The following TTLL12 variants were observed in gnomAD, a reference collection of about 807,000 sequenced individuals.
The protein encoded by TTLL12 is tubulin tyrosine ligase like 12.
Under a neutral mutation model 79.6 loss-of-function variants are expected in TTLL12, and 77 were observed. The observed-to-expected ratio is 0.97, with a 90% CI of 0.81 to 1.17. TTLL12 has a LOEUF of 1.17. Among genes scored for constraint, TTLL12 ranks in the 50% most tolerant of loss-of-function variants. The probability of loss-of-function intolerance (pLI) is 0.00; values close to 1 mark genes in which losing one functional copy is unlikely to be tolerated. For synonymous variants in TTLL12, 437 were observed against 376.1 expected (o/e 1.16, Z -1.87); for missense variants, 969 against 895.9 (o/e 1.08, Z -1.04).
chr22:43,180,895 C>A lies in TTLL12; in HGVS notation c.393G>T (p.Ala131=). ...DHAWTCRVEH[A]RQQLQQVPGL... ...CGGGCACCTGCTGCAGCTGCTGGCG[C>A]GCGTGCTCCACACGGCACGTCCAGG... The change falls in exon 3 of 14, where the codon GCG becomes GCT. Residue 131 remains alanine, a synonymous_variant. Coordinates refer to ENST00000216129, the MANE Select transcript of TTLL12 (RefSeq NM_015140.4). The A allele has an allele frequency of 1.2e-6, 2 of 1,612,746 alleles. No individual in the cohort carries two copies. Among genetic ancestry groups the A allele is most frequent in the Non-Finnish European group, 1.7e-6 (2 of 1,179,890 alleles).
chr22:43,171,940 G>A (rs773821253), intron 10 of TTLL12, 40 bp from the exon 11 acceptor site: 42 of 1,585,950 alleles, frequency 2.6e-5, no homozygotes, highest in African/African-American at 5.4e-5. Flanking sequence ...GTTCTTGAGC[G>A]GCCTTGTCCC....
At chr22:43,177,736 C>A (rs180869921) in intron 5 of TTLL12, among the ~76,000 whole-genome samples, 5 of 152,338 alleles carry the variant, frequency 3.3e-5, no homozygotes, top group Admixed American at 2.6e-4. Flanking sequence ...GCCCGACGGG[C>A]GGCCTGTGTA....
In TTLL12 at chr22:43,174,394, G is replaced by A; in HGVS notation, c.1044C>T (p.Ser348=). 1 of 1,562,776 alleles carries A rather than the reference G, an allele frequency of 6.4e-7. No individual in the cohort carries two copies. Residue 348 remains serine, a synonymous_variant, in exon 8 of 14, where the codon AGC becomes AGT. Coordinates refer to ENST00000216129, the MANE Select transcript of TTLL12 (RefSeq NM_015140.4). ...TCAGCAGCACGCCTGGCCTCTCCTG[G>A]CTGAGTTTCCTGCAGGGCGGAGGCA... ...FSHFKDYRKL[S]QERPGVLLNQ...
At chr22:43,186,039 G>A in intron 1 of TTLL12, 1 of 985,390 alleles carries the variant, frequency 1.0e-6, no homozygotes, top group Non-Finnish European at 1.2e-6. Context: ...CGTAGAGTCT[G>A]GCCAGCAGCC....
rs763528031 is a variant in TTLL12 at position 43,174,318 on chromosome 22, T to C, written c.1120A>G (p.Ile374Val). ...LLTVKDCLAS[I>V]ARRAGGPEGP... is the part of the protein sequence containing the mutation. Reference sequence around the variant, plus strand: ...TCGGGGCCACCTGCCCGGCGCGCGATGGAGGCCAGGCAGTCCTTGACAGTC... The same window carrying C: ...TCGGGGCCACCTGCCCGGCGCGCGACGGAGGCCAGGCAGTCCTTGACAGTC... The change falls in exon 8 of 14, where the codon ATC becomes GTC. Residue 374 changes from isoleucine to valine, a missense_variant. Transcript: ENST00000216129. 42 of 1,610,442 alleles carry C rather than the reference T, an allele frequency of 2.6e-5. No individual in the cohort carries two copies. The highest frequency in any genetic ancestry group is 3.3e-5 in the Non-Finnish European group (39 of 1,178,832).
At chr22:43,176,518 T>C in intron 5 of TTLL12, 122 bp from the exon 6 acceptor site, 1 of 781,360 alleles carries the variant, frequency 1.3e-6, no homozygotes, top group Admixed American at 2.1e-5. Flanking sequence ...TCACGTGATG[T>C]CAGGAGCTCG....
In TTLL12 at chr22:43,176,307, G is replaced by GT; in HGVS notation, c.917+12_917+13insA. On this transcript the variant is annotated intron_variant, in intron 6 of 13. Coordinates refer to ENST00000216129, the MANE Select transcript of TTLL12 (RefSeq NM_015140.4). The stretch of plus-strand genomic sequence containing the variant: ...ACAAGTCCCAGCCCAAGCAGTGGGG[G>GT]GGGGCTACGCACTTGAAGATGTGGC... 6.3e-7 allele frequency: 1 copy of GT among 1,574,982 alleles called. No individual in the cohort carries two copies. Among genetic ancestry groups the GT allele is most frequent in the Non-Finnish European group, 8.6e-7 (1 of 1,156,996 alleles).
intron 1 of TTLL12, 88 bp downstream of exon 1, chr22:43,186,805 C>T (rs1341704804): frequency 9.3e-6 from 11 of 1,180,150 alleles, no homozygotes; most frequent in Admixed American, 4.5e-5. Flanking sequence ...CTCCCGCCGC[C>T]CGGGAGCGCT....
rs550344404 is a variant in TTLL12, at chr22:43,187,010, C to T, written c.60G>A (p.Thr20=). 4.1e-4 allele frequency: 517 copies of T among 1,272,840 alleles called. 11 individuals carry two copies. The South Asian group carries it at 0.01, about 25-fold the overall frequency. 78.8% of individuals were successfully genotyped at this position (1,272,840 alleles called of 1,614,324 possible). A position where few individuals can be genotyped will look rare whatever the true frequency, so the allele number is the denominator to read the frequency against. ...CCAAGGCCTGCGCGCCCTCCTCCGGCGTCTGGCCCGGGCTGCTACGCTCCG... is the reference window on the plus strand; with the variant it reads ...CCAAGGCCTGCGCGCCCTCCTCCGGTGTCTGGCCCGGGCTGCTACGCTCCG... The part of the protein sequence containing the change: ...RPAERSSPGQ[T]PEEGAQALAE... The change falls in exon 1 of 14, where the codon ACG becomes ACA. Residue 20 remains threonine (T), a synonymous_variant. Transcript: ENST00000216129.
rs999232769 is a variant in TTLL12 at position 43,186,192 on chromosome 22, C to G, written c.177+701G>C. Among the ~76,000 whole-genome samples the G allele has an allele frequency of 2.2e-4, 30 of 133,928 alleles. 1 individual carries two copies. Among genetic ancestry groups the G allele is most frequent in the Admixed American group, 1.9e-3 (27 of 14,228 alleles). 87.9% of individuals were successfully genotyped at this position (133,928 alleles called of 152,430 possible). On this transcript the variant is annotated intron_variant, in intron 1 of 13. Transcript: ENST00000216129. Reference sequence around the variant, plus strand: ...TCGGGTCCCAGCTAAAGAAAACACCCCCCCCCCCGCCAGCCCGGGAAGGTG... The same window carrying G: ...TCGGGTCCCAGCTAAAGAAAACACCGCCCCCCCCGCCAGCCCGGGAAGGTG...
At position 43,168,882 on chromosome 22, in the gene TTLL12, A is replaced by T; in HGVS notation, c.1675T>A (p.Phe559Ile). ...GGTGGCTTGGCACAGGCCACCTGGA[A>T]CAGCTCCGTGAAGGCCCGGAAGATC... ...AEIFRAFTEL[F>I]QVACAKPPPL... Residue 559 changes from phenylalanine to isoleucine, a missense_variant, in exon 13 of 14, where the codon TTC (phenylalanine) becomes ATC (isoleucine). Phe to Ile is a conservative substitution (Grantham distance 21). Coordinates refer to ENST00000216129, the MANE Select transcript of TTLL12 (RefSeq NM_015140.4). 1 of 1,611,546 alleles carries T rather than the reference A, an allele frequency of 6.2e-7. No homozygotes were observed. The highest frequency in any genetic ancestry group is 1.3e-5 in the African/African-American group (1 of 75,004).
chr22:43,169,372 T>C, intron 12 of TTLL12, 128 bp downstream of exon 12: 1 of 806,360 alleles, frequency 1.2e-6, no homozygotes, highest in Non-Finnish European at 1.9e-6. Flanking sequence ...CTGGGGAGAA[T>C]GACCAACTGC....
intron 11 of TTLL12, 51 bp from the exon 12 acceptor site, chr22:43,169,619 G>A (rs773544230): frequency 3.8e-6 from 6 of 1,586,676 alleles, no homozygotes; most frequent in South Asian, 1.1e-5. Flanking sequence ...CCGCTGGGCC[G>A]GGAGCAGGCA....
chr22:43,167,502 C>T lies in TTLL12; in HGVS notation c.*506G>A. 4.6e-6 allele frequency: 1 copy of T among 219,038 alleles called. No homozygotes were observed. Among genetic ancestry groups the T allele is most frequent in the Non-Finnish European group, 9.3e-6 (1 of 107,340 alleles). The allele number at this position is 219,038 out of a possible 1,614,324, so 13.6% of individuals were successfully genotyped here. A position where few individuals can be genotyped will look rare whatever the true frequency, so the allele number is the denominator to read the frequency against. On this transcript the variant is annotated 3_prime_UTR_variant, in exon 14 of 14. Coordinates refer to ENST00000216129, the MANE Select transcript of TTLL12 (RefSeq NM_015140.4). ...GAGCCCTGTGGGTGCAGTGTGGGGC[C>T]CCACAGCCGTCCCGGGGTCGTCCTG...
intron 5 of TTLL12, 47 bp downstream of exon 5, chr22:43,179,572 T>C (rs1206842365): frequency 2.6e-6 from 4 of 1,513,796 alleles, no homozygotes; most frequent in Non-Finnish European, 3.5e-6. Context: ...GAGAACATTC[T>C]GGAAGCTACC....
intron 6 of TTLL12, among the ~76,000 whole-genome samples, chr22:43,175,893 G>A (rs1931895413): frequency 1.4e-5 from 2 of 139,758 alleles, no homozygotes; most frequent in South Asian, 2.2e-4. Flanking sequence ...TCACCATGCT[G>A]GCCAGGCTGG....
rs1169166280 is a variant in TTLL12 at position 43,176,411 on chromosome 22, A to G, written c.841-15T>C. ...TCCAGAATGGCCTAAAAGGAAACACACCGGAAGTAGAGATGAGGTCAAGGA... is the reference window on the plus strand; with the variant it reads ...TCCAGAATGGCCTAAAAGGAAACACGCCGGAAGTAGAGATGAGGTCAAGGA... On this transcript the variant is annotated splice_polypyrimidine_tract_variant and intron_variant, in intron 5 of 13. Coordinates refer to ENST00000216129, the MANE Select transcript of TTLL12 (RefSeq NM_015140.4). 10 of 1,598,238 alleles carry G rather than the reference A, an allele frequency of 6.3e-6. No homozygotes were observed. In the Admixed American group the frequency reaches 1.8e-4, roughly 28 times the overall value.
At position 43,168,117 on chromosome 22, in the gene TTLL12, T is replaced by C; in HGVS notation, c.1826A>G (p.Asn609Ser). Reference sequence around the variant, plus strand: ...CCTGCAGGCTCGCTCACAGTCGGGGTTGAAGTTCACCTCCAGGATCTGCGG... The same window carrying C: ...CCTGCAGGCTCGCTCACAGTCGGGGCTGAAGTTCACCTCCAGGATCTGCGG... Reference protein sequence around the residue: ...MQPQILEVNFNPDCERACRYH... With the variant: ...MQPQILEVNFSPDCERACRYH... Residue 609 changes from asparagine (N) to serine (S), a missense_variant, in exon 14 of 14, where the codon AAC becomes AGC. Coordinates refer to ENST00000216129, the MANE Select transcript of TTLL12 (RefSeq NM_015140.4). 1 of 1,613,776 alleles carries C rather than the reference T, an allele frequency of 6.2e-7. No homozygotes were observed.
intron 9 of TTLL12, among the ~76,000 whole-genome samples, chr22:43,173,101 T>A (rs1273598320): frequency 6.6e-6 from 1 of 152,214 alleles, no homozygotes; most frequent in Admixed American, 6.5e-5. Flanking sequence ...ACAATCGTCC[T>A]CATGATGCAT....
Sources: gnomAD v4.1 joint callset for allele counts (sites outside exome capture counted in the v4.1 genomes callset) on GRCh38, gnomAD v4.1.1 for gene constraint, MANE v1.5 for transcripts, NCBI Gene and HGNC (gene_info 2026-07-23, HGNC 2026-07-21) for gene names.